AASDH: variants seen among roughly 807,000 people sequenced by gnomAD.
AASDH encodes beta-alanine-activating enzyme.
In AASDH, 81 loss-of-function variants were observed where a neutral mutation model predicts 102.3. That is an observed-to-expected ratio of 0.79 (90% CI 0.66 to 0.95). AASDH has a LOEUF of 0.95. Ranked by LOEUF, AASDH falls within the 40% of genes least tolerant of loss-of-function variation. AASDH has a pLI of 0.00. For missense variants in AASDH, 1,203 were observed against 1,266.2 expected (o/e 0.95, Z 0.76); for synonymous variants, 398 against 454.0 (o/e 0.88, Z 1.57).
chr4:56,353,257 T>G, intron 9 of AASDH, 147 bp downstream of exon 9: 1 of 609,402 alleles, frequency 1.6e-6, no homozygotes, highest in Non-Finnish European at 2.6e-6. Context: ...TAAAATGAAT[T>G]AATTAGACAA....
intron 5 of AASDH, among the ~76,000 whole-genome samples, chr4:56,359,691 T>C (rs1750073691): frequency 6.6e-6 from 1 of 152,056 alleles, no homozygotes; most frequent in Non-Finnish European, 1.5e-5. Flanking sequence ...CCTCAGTAGC[T>C]GGGATTACAG....
chr4:56,357,639 T>C (rs6554351), intron 5 of AASDH, among the ~76,000 whole-genome samples: 1,768 of 148,870 alleles, frequency 0.012, 30 homozygotes, highest in African/African-American at 0.041. Flanking sequence ...AAATTATATA[T>C]ATAATTATAT....
rs1434630990 is a variant in AASDH at position 56,355,130 on chromosome 4, T to C, written c.1103+52A>G. 3 of 1,559,102 alleles carry C rather than the reference T, an allele frequency of 1.9e-6. No individual in the cohort carries two copies. The African/African-American group carries it at 4.1e-5, about 21-fold the overall frequency. ...ATCAAAAACACTGTCAGTGTTAAGA[T>C]CCTAGAAATATACAGTCTCTCTTCT... is the stretch of plus-strand genomic sequence containing the variant. On this transcript the variant is annotated intron_variant, in intron 6 of 14. Transcript: ENST00000205214.
At chr4:56,363,271 TGCCTC>T (rs1750549565) in intron 5 of AASDH, among the ~76,000 whole-genome samples, 1 of 152,246 alleles carries the variant, frequency 6.6e-6, no homozygotes, top group African/African-American at 2.4e-5. Flanking sequence ...GAGGCCTGCC[TGCCTC>T]TGTAGGCTCC....
At chr4:56,339,492 T>G (rs1409955467) in intron 14 of AASDH, among the ~76,000 whole-genome samples, 2 of 152,150 alleles carry the variant, frequency 1.3e-5, no homozygotes, top group African/African-American at 4.8e-5. Context: ...GTTTCATGCC[T>G]ATAATCCCAG....
intron 3 of AASDH, among the ~76,000 whole-genome samples, chr4:56,380,009 T>G (rs1315766332): frequency 6.6e-6 from 1 of 152,188 alleles, no homozygotes; most frequent in Non-Finnish European, 1.5e-5. Context: ...TAGCATAGAT[T>G]AGACTCTATC....
intron 6 of AASDH, 111 bp downstream of exon 6, chr4:56,355,071 C>A (rs1749439046): frequency 7.7e-7 from 1 of 1,299,004 alleles, no homozygotes; most frequent in Non-Finnish European, 1.0e-6. Context: ...ATATCAGATA[C>A]AATCGTGTTT....
intron 3 of AASDH, among the ~76,000 whole-genome samples, chr4:56,379,642 T>C (rs544416961): frequency 6.6e-6 from 1 of 152,326 alleles, no homozygotes; most frequent in South Asian, 2.1e-4. Flanking sequence ...GCAATTATAA[T>C]GCAATGCGTA....
Position 56,349,354 on chromosome 4 carries a change from A to G in AASDH, c.2397T>C (p.Phe799=). ...GTTCCCATTTTACCTTCCCAGAGTA[A>G]AAGTCAACTGCCTTCATTCTATGAG... The part of the protein sequence containing the change: ...SHSHRMKAVD[F]YSGKVKWEQI... The change falls in exon 11 of 15, where the codon TTT becomes TTC. Residue 799 remains phenylalanine, a synonymous_variant. Coordinates refer to ENST00000205214, the MANE Select transcript of AASDH (RefSeq NM_181806.4). 3.1e-6 allele frequency: 5 copies of G among 1,614,202 alleles called. No individual in the cohort carries two copies. Among genetic ancestry groups the G allele is most frequent in the Non-Finnish European group, 4.2e-6 (5 of 1,180,040 alleles).
chr4:56,369,031 A>T (rs1039907908), intron 5 of AASDH, among the ~76,000 whole-genome samples: 1 of 152,174 alleles, frequency 6.6e-6, no homozygotes, highest in Admixed American at 6.5e-5. Context: ...CCTTACTCAA[A>T]CCAAGTCAAA....
intron 5 of AASDH, among the ~76,000 whole-genome samples, chr4:56,359,895 C>T (rs1750105490): frequency 6.6e-6 from 1 of 152,054 alleles, no homozygotes; most frequent in African/African-American, 2.4e-5. Flanking sequence ...TATGAGTCAT[C>T]CCATGTGTAG....
At chr4:56,355,792 A>T (rs13133016) in intron 5 of AASDH, among the ~76,000 whole-genome samples, 98,810 of 151,362 alleles carry the variant, frequency 0.65, 32,369 homozygotes, top group Admixed American at 0.73. Context: ...GCTAATTTTT[A>T]AAATTTTTTG....
chr4:56,371,693 C>T, intron 4 of AASDH, 50 bp from the exon 5 acceptor site: 1 of 1,490,020 alleles, frequency 6.7e-7, no homozygotes. Flanking sequence ...ATTCAGTAAG[C>T]ACATATCCTA....
intron 5 of AASDH, among the ~76,000 whole-genome samples, chr4:56,364,304 A>C (rs1384063684): frequency 6.6e-6 from 1 of 152,236 alleles, no homozygotes; most frequent in Non-Finnish European, 1.5e-5. Context: ...GCAGGATATT[A>C]TCAAGGAGAA....
Position 56,355,183 on chromosome 4 carries a change from T to C in AASDH, c.1102A>G (p.Lys368Glu). Reference sequence around the variant, plus strand: ...ATATAGTACAATGAAAACCCTTACTTGAGAGTAGAGTTAAGAGTCTTCTCT... The same window carrying C: ...ATATAGTACAATGAAAACCCTTACTCGAGAGTAGAGTTAAGAGTCTTCTCT... ...IPEKTLNSTL[K>E]CELPVQLGFP... The change falls in exon 6 of 15, where the codon AAA (lysine) becomes GAA (glutamate). Residue 368 changes from lysine (K) to glutamate (E), a missense_variant and splice_region_variant. Coordinates refer to ENST00000205214, the MANE Select transcript of AASDH (RefSeq NM_181806.4). 1.2e-6 allele frequency: 2 copies of C among 1,613,382 alleles called. No individual in the cohort carries two copies. The highest frequency in any genetic ancestry group is 1.7e-6 in the Non-Finnish European group (2 of 1,179,800).
Position 56,353,404 on chromosome 4 carries a change from C to A in AASDH, c.1576G>T (p.Gly526Cys). ...LIDSLPFTSH[G>C]KIDVSELNKI... The stretch of plus-strand genomic sequence containing the variant: ...ACATATCTGCTTTAAATTACTTTAC[C>A]GTGGGATGTAAATGGTAGAGAGTCG... Residue 526 changes from glycine to cysteine, a missense_variant and splice_region_variant, in exon 9 of 15, where the codon GGC (glycine) becomes TGC (cysteine). Physicochemically the swap from Gly to Cys is radical, Grantham distance 159. Coordinates refer to ENST00000205214, the MANE Select transcript of AASDH (RefSeq NM_181806.4). The A allele has an allele frequency of 1.3e-6, 2 of 1,588,782 alleles. No homozygotes were observed. Among genetic ancestry groups the A allele is most frequent in the Non-Finnish European group, 1.7e-6 (2 of 1,168,018 alleles).
chr4:56,382,844 C>T (rs532989605), intron 2 of AASDH, among the ~76,000 whole-genome samples: 6 of 152,204 alleles, frequency 3.9e-5, no homozygotes, highest in South Asian at 2.1e-4. Context: ...TTGAGGCGAG[C>T]GAATCACCTG....
intron 5 of AASDH, chr4:56,356,445 G>C (rs1267642796): frequency 6.3e-7 from 1 of 1,581,678 alleles, no homozygotes; most frequent in African/African-American, 1.3e-5. Flanking sequence ...GTACAGACCA[G>C]AGACAAAGCA....
In AASDH at chr4:56,382,388, A is replaced by T. The variant is rs965293580; in HGVS notation, c.351+89T>A. ...TGAGAAACCTTGCCACATTTAGCAG[A>T]CTTAGGAATCCAGATGGGAGAAGGA... On this transcript the variant is annotated intron_variant, in intron 3 of 14. Coordinates refer to ENST00000205214, the MANE Select transcript of AASDH (RefSeq NM_181806.4). 3.1e-6 allele frequency: 4 copies of T among 1,304,376 alleles called. No homozygotes were observed. The African/African-American group carries it at 6.0e-5, about 20-fold the overall frequency. The allele number at this position is 1,304,376 out of a possible 1,614,324, so 80.8% of individuals were successfully genotyped here.
Sources: gnomAD v4.1 joint callset for allele counts (sites outside exome capture counted in the v4.1 genomes callset) on GRCh38, gnomAD v4.1.1 for gene constraint, MANE v1.5 for transcripts, NCBI Gene and HGNC (gene_info 2026-07-23, HGNC 2026-07-21) for gene names.